SRC: variants seen among roughly 807,000 people sequenced by gnomAD.
SRC encodes the protein proto-oncogene tyrosine-protein kinase Src.
Under a neutral mutation model 62.9 loss-of-function variants are expected in SRC, and 13 were observed. That is an observed-to-expected ratio of 0.21 (90% CI 0.13 to 0.33). The LOEUF is 0.33. Ranked by LOEUF, SRC falls within the 10% of genes least tolerant of loss-of-function variation. The pLI is 1.00. For missense variants in SRC, 457 were observed against 737.3 expected, an observed-to-expected ratio of 0.62 and a Z score of 4.40; for synonymous variants, 302 against 317.5, an observed-to-expected ratio of 0.95 and a Z score of 0.52.
intron 2 of SRC, among the ~76,000 whole-genome samples, chr20:37,379,943 A>G (rs1347259820): frequency 6.8e-5 from 6 of 88,234 alleles, no homozygotes; most frequent in East Asian, 2.4e-4. Flanking sequence ...AGCTTGGAGT[A>G]AAAAAAAAAA....
chr20:37,379,942 T>TAAAAAAAAAAAAAAAAAAAAAAA (rs57772720), intron 2 of SRC, among the ~76,000 whole-genome samples: 1 of 51,468 alleles, frequency 1.9e-5, no homozygotes, highest in African/African-American at 6.0e-5. Flanking sequence ...GAGCTTGGAG[T>TAAAAAAAAAAAAAAAAAAAAAAA]AAAAAAAAAA....
chr20:37,403,458 C>T lies in SRC; in HGVS notation c.*79C>T. On this transcript the variant is annotated 3_prime_UTR_variant, in exon 14 of 14. Coordinates refer to ENST00000373578, the MANE Select transcript of SRC (RefSeq NM_198291.3). The surrounding 1 kb of genome is among the most constrained non-coding windows in gnomAD (Gnocchi z 7.1). ...CTGTCTCGGGGCTTGCCCCACTCTG[C>T]CTGCCTGCTGTTGGTCCTCTCTCTG... The T allele has an allele frequency of 7.0e-7, 1 of 1,421,320 alleles. No homozygotes were observed. Among genetic ancestry groups the T allele is most frequent in the Non-Finnish European group, 9.5e-7 (1 of 1,057,780 alleles). 88.0% of individuals were successfully genotyped at this position (1,421,320 alleles called of 1,614,324 possible).
intron 2 of SRC, among the ~76,000 whole-genome samples, chr20:37,373,145 C>CAT (rs535961378): frequency 0.22 from 33,214 of 151,218 alleles, 5,273 homozygotes; most frequent in African/African-American, 0.45. Context: ...CACATATGTA[C>CAT]ATATACACAC....
chr20:37,390,553 G>A (rs62208294), intron 5 of SRC, among the ~76,000 whole-genome samples: 2 of 151,844 alleles, frequency 1.3e-5, no homozygotes, highest in African/African-American at 4.8e-5. Flanking sequence ...TTACAGGCAC[G>A]CACCACCATG....
Position 37,364,500 on chromosome 20 carries a change from C to T in SRC, c.-246-704C>T, listed in dbSNP as rs577459876. Among the ~76,000 whole-genome samples the T allele has an allele frequency of 3.2e-4, 49 of 152,184 alleles. No homozygotes were observed. In the South Asian group the frequency reaches 8.1e-3, roughly 25 times the overall value. ...CTCTGTGTCCACCCCGTGATGAGGG[C>T]GTGGCAGGAGGACCCCTCTGGACTT... On this transcript the variant is annotated intron_variant, in intron 1 of 13. Coordinates refer to ENST00000373578, the MANE Select transcript of SRC (RefSeq NM_198291.3).
chr20:37,379,287 G>T (rs1362798372), intron 2 of SRC, among the ~76,000 whole-genome samples: 1 of 152,114 alleles, frequency 6.6e-6, no homozygotes, highest in African/African-American at 2.4e-5. Context: ...CCCCGCAAGG[G>T]TCTATCTCTA....
intron 11 of SRC, 135 bp downstream of exon 11, chr20:37,401,813 C>A: frequency 1.7e-6 from 1 of 590,658 alleles, no homozygotes; most frequent in Non-Finnish European, 2.9e-6. Flanking sequence ...ACTGATCTTG[C>A]CGCACGTATT....
rs994760145 is a variant in SRC, at chr20:37,398,102, GCTGTGTAGGCTGGGCCCGGTGGC to G, written c.859+251_859+273del. On this transcript the variant is annotated intron_variant, in intron 9 of 13. Transcript: ENST00000373578. The surrounding 1 kb of genome is among the most constrained non-coding windows in gnomAD (Gnocchi z 5.2). ...ACAGGGCTGGGCATTGCACAGACCT[GCTGTGTAGGCTGGGCCCGGTGGC>G]CTCACTCAGAGCCTCAGTCTTCCCG... 6.6e-6 allele frequency among the ~76,000 whole-genome samples: 1 copy of G among 152,202 alleles called. No homozygotes were observed. The highest frequency in any genetic ancestry group is 1.5e-5 in the Non-Finnish European group (1 of 68,034).
At chr20:37,373,409 A>G (rs1034191055) in intron 2 of SRC, among the ~76,000 whole-genome samples, 8 of 144,432 alleles carry the variant, frequency 5.5e-5, no homozygotes, top group East Asian at 2.0e-4. Context: ...ATATATACGC[A>G]TATATACGCA....
At chr20:37,378,546 C>A (rs1453299201) in intron 2 of SRC, among the ~76,000 whole-genome samples, 1 of 152,152 alleles carries the variant, frequency 6.6e-6, no homozygotes, top group African/African-American at 2.4e-5. Context: ...CCGCTGCCTT[C>A]TTTTCACTGA....
rs1175274504 is a variant in SRC, at chr20:37,398,562, G to A, written c.859+708G>A. Among the ~76,000 whole-genome samples the A allele has an allele frequency of 3.3e-5, 5 of 152,236 alleles. No homozygotes were observed. The highest frequency in any genetic ancestry group is 1.2e-4 in the African/African-American group (5 of 41,466). ...TGCCTCCACGTTCCGCCCTCCAGAG[G>A]GCTGATGGAGGAGAGCAGAGCGGCC... On this transcript the variant is annotated intron_variant, in intron 9 of 13. Coordinates refer to ENST00000373578, the MANE Select transcript of SRC (RefSeq NM_198291.3). This position sits in a 1 kb window ranked among gnomAD's most constrained non-coding sequence, Gnocchi z 5.2.
At chr20:37,383,606 G>A (rs1221131131) in intron 3 of SRC, 1 of 154,122 alleles carries the variant, frequency 6.5e-6, no homozygotes, top group Non-Finnish European at 1.4e-5. Flanking sequence ...CGTTCCTGGC[G>A]CTGGACCGAG....
Position 37,401,831 on chromosome 20 carries a change from T to A in SRC, c.1116+153T>A, listed in dbSNP as rs2070742475. On this transcript the variant is annotated intron_variant, in intron 11 of 13. Coordinates refer to ENST00000373578, the MANE Select transcript of SRC (RefSeq NM_198291.3). ...GATCTTGCCGCACGTATTTACCAGG[T>A]CTGCTTACAGGTGCCCTGAGGGGTG... is the stretch of plus-strand genomic sequence containing the variant. 33 of 564,410 alleles carry A rather than the reference T, an allele frequency of 5.8e-5. No homozygotes were observed. In the South Asian group the frequency reaches 8.5e-4, roughly 14 times the overall value. The allele number at this position is 564,410 out of a possible 1,614,324, so 35.0% of individuals were successfully genotyped here.
chr20:37,381,784 C>G (rs1039954124), intron 2 of SRC, among the ~76,000 whole-genome samples: 1 of 152,168 alleles, frequency 6.6e-6, no homozygotes, highest in South Asian at 2.1e-4. Context: ...GTATCGTGAC[C>G]TCAATGGAAT....
intron 3 of SRC, chr20:37,383,836 A>T: frequency 3.1e-6 from 1 of 321,100 alleles, no homozygotes; most frequent in Non-Finnish European, 5.7e-6. Flanking sequence ...TGTTCAAGCG[A>T]TTCTCCTGCC....
chr20:37,373,185 T>C (rs1327284430), intron 2 of SRC, among the ~76,000 whole-genome samples: 1 of 151,430 alleles, frequency 6.6e-6, no homozygotes, highest in Non-Finnish European at 1.5e-5. Context: ...CACATACACA[T>C]GTATACATAT....
intron 7 of SRC, 54 bp downstream of exon 7, chr20:37,394,331 G>A: frequency 6.6e-7 from 1 of 1,523,074 alleles, no homozygotes; most frequent in Non-Finnish European, 9.1e-7. Context: ...AGTGGTTTGA[G>A]CTGGGTGTTG....
Position 37,396,433 on chromosome 20 carries a change from C to T in SRC, c.703+122C>T. ...TATCCTGCTTCTCTCCCCACTTCCC[C>T]CTCCCCCCTCCCTTCCTCTCTCCTC... On this transcript the variant is annotated intron_variant, in intron 8 of 13. Transcript: ENST00000373578. This position sits in a 1 kb window ranked among gnomAD's most constrained non-coding sequence, Gnocchi z 6.1. 8.9e-7 allele frequency: 1 copy of T among 1,117,420 alleles called. No homozygotes were observed. Among genetic ancestry groups the T allele is most frequent in the Non-Finnish European group, 1.3e-6 (1 of 794,864 alleles). 69.2% of individuals were successfully genotyped at this position (1,117,420 alleles called of 1,614,324 possible).
At chr20:37,356,592 T>A (rs2069885425) in intron 1 of SRC, among the ~76,000 whole-genome samples, 1 of 152,152 alleles carries the variant, frequency 6.6e-6, no homozygotes, top group African/African-American at 2.4e-5. Flanking sequence ...GACGCCTGCC[T>A]GGCAGGAAGT....
Sources: gnomAD v4.1 joint callset for allele counts (sites outside exome capture counted in the v4.1 genomes callset) on GRCh38, gnomAD v4.1.1 for gene constraint, Gnocchi (gnomAD v3.1) non-coding constraint, MANE v1.5 for transcripts, NCBI Gene and HGNC (gene_info 2026-07-23, HGNC 2026-07-21) for gene names.